Variants in KBTBD12 observed in about 807,000 individuals in gnomAD.
KBTBD12 encodes the protein kelch repeat and BTB domain containing 12, also known as kelch repeat and BTB domain-containing protein 12.
Under a neutral mutation model 58.7 loss-of-function variants are expected in KBTBD12, and 53 were observed. The ratio of observed to expected loss-of-function variants is 0.90; its 90% confidence interval spans 0.72 to 1.14. KBTBD12 has a LOEUF of 1.14. Among genes scored for constraint, KBTBD12 ranks in the 50% most tolerant of loss-of-function variants. The pLI, the probability that KBTBD12 is intolerant of heterozygous loss-of-function variation, is 0.00. For synonymous variants in KBTBD12, 236 were observed against 259.8 expected, an observed-to-expected ratio of 0.91 and a Z score of 0.88; for missense variants, 704 against 751.3, an observed-to-expected ratio of 0.94 and a Z score of 0.74.
intron 4 of KBTBD12, among the ~76,000 whole-genome samples, chr3:127,940,835 A>T (rs769474405): frequency 7.9e-5 from 12 of 152,172 alleles, no homozygotes; most frequent in Non-Finnish European, 4.4e-5. Context: ...AAAGAGGAAT[A>T]CAGTACAGAT....
rs370495041 is a variant in KBTBD12 at position 127,930,183 on chromosome 3, G to T, written c.1392G>T (p.Gln464His). The change falls in exon 4 of 6, where the codon CAG becomes CAT. Residue 464 changes from glutamine to histidine, a missense_variant. Coordinates refer to ENST00000405109, the MANE Select transcript of KBTBD12 (RefSeq NM_207335.4). ...EPDRLSNKLL[Q>H]YDPSQDQWSV... is the part of the protein sequence containing the mutation. ...ATCGATTAAGCAACAAACTGTTGCA[G>T]TATGACCCCAGCCAAGATCAATGGA... 6.2e-7 allele frequency: 1 copy of T among 1,604,030 alleles called. No homozygotes were observed. The highest frequency in any genetic ancestry group is 2.2e-5 in the East Asian group (1 of 44,674).
chr3:127,963,450 A>G, intron 5 of KBTBD12, 64 bp downstream of exon 5: 1 of 1,381,870 alleles, frequency 7.2e-7, no homozygotes. Flanking sequence ...TCTTTAACTG[A>G]TCCAATCACC....
At chr3:127,981,669 C>A (rs1024103738) in intron 5 of KBTBD12, among the ~76,000 whole-genome samples, 6 of 152,184 alleles carry the variant, frequency 3.9e-5, no homozygotes, top group African/African-American at 1.4e-4. Flanking sequence ...TGGCCAGCCA[C>A]GGTGGCTCAC....
rs1386633204 is a variant in KBTBD12, at chr3:127,915,360, G to T, written c.-339G>T. ...TGGAGGGCAGCGGCGGCGTGGTCTC[G>T]GGCCACTTCCAAGCAGAGGGCAGCA... On this transcript the variant is annotated 5_prime_UTR_variant, in exon 1 of 6. Transcript: ENST00000405109. 1 of 152,540 alleles carries T rather than the reference G, an allele frequency of 6.6e-6. No individual in the cohort carries two copies. Among genetic ancestry groups the T allele is most frequent in the Non-Finnish European group, 1.5e-5 (1 of 68,292 alleles). The allele number at this position is 152,540 out of a possible 1,614,324, so 9.4% of individuals were successfully genotyped here.
At chr3:127,954,758 C>T (rs1392205848) in intron 4 of KBTBD12, among the ~76,000 whole-genome samples, 1 of 152,220 alleles carries the variant, frequency 6.6e-6, no homozygotes, top group Non-Finnish European at 1.5e-5. Context: ...GCCACTCCTC[C>T]ACCCCACAAA....
At chr3:127,925,242 A>G (rs1298284351) in intron 2 of KBTBD12, among the ~76,000 whole-genome samples, 2 of 152,142 alleles carry the variant, frequency 1.3e-5, no homozygotes, top group African/African-American at 2.4e-5. Flanking sequence ...GGTACCAAGC[A>G]TGTCCCTGAG....
intron 4 of KBTBD12, among the ~76,000 whole-genome samples, chr3:127,951,124 G>A (rs893437325): frequency 2.0e-5 from 3 of 152,148 alleles, no homozygotes; most frequent in Non-Finnish European, 2.9e-5. Context: ...TTACTTTAAC[G>A]TTTTAATGTC....
intron 4 of KBTBD12, among the ~76,000 whole-genome samples, chr3:127,942,856 C>A (rs1251326959): frequency 6.6e-6 from 1 of 152,006 alleles, no homozygotes; most frequent in African/African-American, 2.4e-5. Flanking sequence ...CAAGGGCTTT[C>A]TTGCTGCACC....
intron 5 of KBTBD12, among the ~76,000 whole-genome samples, chr3:127,982,456 C>A (rs554963524): frequency 1.1e-4 from 17 of 152,268 alleles, no homozygotes; most frequent in African/African-American, 4.1e-4. Flanking sequence ...AGAGACCACT[C>A]CTGTCCCCAC....
intron 5 of KBTBD12, among the ~76,000 whole-genome samples, chr3:127,976,635 G>C (rs916521542): frequency 5.3e-5 from 8 of 152,186 alleles, no homozygotes; most frequent in African/African-American, 1.9e-4. Flanking sequence ...TCATCACTGT[G>C]TAGTTATTAT....
intron 5 of KBTBD12, among the ~76,000 whole-genome samples, chr3:127,980,156 G>A (rs1940849217): frequency 6.6e-6 from 1 of 152,094 alleles, no homozygotes; most frequent in Admixed American, 6.5e-5. Flanking sequence ...ATGAAAAAAA[G>A]GAACTAAGCA....
At chr3:127,937,263 C>A (rs1939850488) in intron 4 of KBTBD12, among the ~76,000 whole-genome samples, 1 of 152,036 alleles carries the variant, frequency 6.6e-6, no homozygotes, top group Non-Finnish European at 1.5e-5. Context: ...AGTGTGCTTA[C>A]TCCGTTTAAA....
At chr3:127,938,503 T>C (rs1318771857) in intron 4 of KBTBD12, among the ~76,000 whole-genome samples, 1 of 151,992 alleles carries the variant, frequency 6.6e-6, no homozygotes, top group Non-Finnish European at 1.5e-5. Flanking sequence ...ATGCAATAAG[T>C]AAGAAAGAAG....
chr3:127,920,566 G>A (rs1939376080), intron 1 of KBTBD12, among the ~76,000 whole-genome samples: 1 of 151,676 alleles, frequency 6.6e-6, no homozygotes, highest in Non-Finnish European at 1.5e-5. Context: ...AAGAAGGCAC[G>A]GTCATATATC....
At chr3:127,962,346 T>C (rs73860776) in intron 4 of KBTBD12, among the ~76,000 whole-genome samples, 23,031 of 152,206 alleles carry the variant, frequency 0.15, 1,960 homozygotes, top group South Asian at 0.32. Flanking sequence ...GAAATTTGTA[T>C]ACAATTATTT....
chr3:127,924,300 G>T (rs1349596609), intron 2 of KBTBD12, among the ~76,000 whole-genome samples, 169 bp downstream of exon 2: 1 of 149,316 alleles, frequency 6.7e-6, no homozygotes, highest in South Asian at 2.1e-4. Context: ...GTCTGTGTGT[G>T]TGTGTATACA....
intron 4 of KBTBD12, among the ~76,000 whole-genome samples, chr3:127,931,797 T>C (rs1009086446): frequency 2.0e-5 from 3 of 151,580 alleles, no homozygotes; most frequent in African/African-American, 7.3e-5. Context: ...AAAGGTGCAA[T>C]GGGAGGGGGC....
At chr3:127,918,535 A>G (rs1939313464) in intron 1 of KBTBD12, among the ~76,000 whole-genome samples, 1 of 152,028 alleles carries the variant, frequency 6.6e-6, no homozygotes, top group Non-Finnish European at 1.5e-5. Flanking sequence ...ACACGGTGAA[A>G]CCCCGTCTCT....
At position 127,927,862 on chromosome 3, in the gene KBTBD12, T is replaced by A; in HGVS notation, c.1169T>A (p.Ile390Lys). 1 of 1,612,962 alleles carries A rather than the reference T, an allele frequency of 6.2e-7. No individual in the cohort carries two copies. The highest frequency in any genetic ancestry group is 8.5e-7 in the Non-Finnish European group (1 of 1,179,112). Reference protein sequence around the residue: ...LGSIHNDLYVIGGQMKIKNQY... With the variant: ...LGSIHNDLYVKGGQMKIKNQY... ...AGTATTCATAATGACCTTTATGTTA[T>A]AGGAGGACAGATGAAAATTAAAAAC... Residue 390 changes from isoleucine to lysine, a missense_variant, in exon 3 of 6, where the codon ATA becomes AAA. Coordinates refer to ENST00000405109, the MANE Select transcript of KBTBD12 (RefSeq NM_207335.4).
Sources: gnomAD v4.1 joint callset for allele counts (sites outside exome capture counted in the v4.1 genomes callset) on GRCh38, gnomAD v4.1.1 for gene constraint, MANE v1.5 for transcripts, NCBI Gene and HGNC (gene_info 2026-07-23, HGNC 2026-07-21) for gene names.